The following HMCN1 variants were observed in gnomAD, a reference collection of about 807,000 sequenced individuals.
HMCN1 encodes hemicentin-1.
In HMCN1, 321 loss-of-function variants were observed where a neutral mutation model predicts 625.9. That is an observed-to-expected ratio of 0.51 (90% CI 0.47 to 0.56). HMCN1 has a LOEUF of 0.56. Among genes scored for constraint, HMCN1 ranks in the 20% least tolerant of loss-of-function variants. HMCN1 has a pLI of 0.00. For synonymous variants in HMCN1, 2,425 were observed against 2,417.6 expected, an observed-to-expected ratio of 1.00 and a Z score of -0.09; for missense variants, 6,588 against 6,887.3, an observed-to-expected ratio of 0.96 and a Z score of 1.54.
In HMCN1 at chr1:186,093,615, T is replaced by A. The variant is rs1447537698; in HGVS notation, c.10142T>A (p.Leu3381His). 1.2e-6 allele frequency: 2 copies of A among 1,613,334 alleles called. No homozygotes were observed. The highest frequency in any genetic ancestry group is 1.7e-5 in the Admixed American group (1 of 59,852). Residue 3381 changes from leucine to histidine, a missense_variant, in exon 66 of 107, where the codon CTT becomes CAT. Leu to His is a moderately conservative substitution (Grantham distance 99). Around this residue, in one of 3 missense-constraint regions of HMCN1, gnomAD observed 4,628 missense variants for 4,853.1 expected, o/e 0.95. Coordinates refer to ENST00000271588, the MANE Select transcript of HMCN1 (RefSeq NM_031935.3). The stretch of plus-strand genomic sequence containing the variant: ...CAGATAAACTGGCTGAAGAATGGAC[T>A]TCCTCTGCCTCTCTCCTCCCATATC... ...PPQINWLKNG[L>H]PLPLSSHIRL...
intron 49 of HMCN1, among the ~76,000 whole-genome samples, chr1:186,066,693 G>A (rs573377178): frequency 6.6e-6 from 1 of 152,172 alleles, no homozygotes; most frequent in East Asian, 1.9e-4. Context: ...TTAATGTTTT[G>A]TACATTTTGA....
chr1:186,025,892 T>C (rs768357916), intron 36 of HMCN1, among the ~76,000 whole-genome samples: 5 of 152,172 alleles, frequency 3.3e-5, no homozygotes, highest in Non-Finnish European at 7.4e-5. Flanking sequence ...AAGTAAGGTA[T>C]AGTAGTAGGT....
chr1:186,041,030 A>T lies in HMCN1; in HGVS notation c.6198A>T (p.Arg2066=). ...SNGLQVLSGG[R]ILALTSAQIS... is the part of the protein sequence containing the mutation. ...ATTGATAGGTTCTCTCTGGTGGTCG[A>T]ATCCTAGCATTGACCAGTGCACAAA... is the stretch of plus-strand genomic sequence containing the variant. The change falls in exon 40 of 107, where the codon CGA becomes CGT. Residue 2066 remains arginine (R), a synonymous_variant. Transcript: ENST00000271588. 1.2e-6 allele frequency: 2 copies of T among 1,613,068 alleles called. No homozygotes were observed. Among genetic ancestry groups the T allele is most frequent in the Non-Finnish European group, 1.7e-6 (2 of 1,179,248 alleles).
In HMCN1 at chr1:186,091,066, T is replaced by G; in HGVS notation, c.9887+149T>G. 6.4e-6 allele frequency: 5 copies of G among 785,228 alleles called. No individual in the cohort carries two copies. The Admixed American group carries it at 1.2e-4, about 19-fold the overall frequency. The allele number at this position is 785,228 out of a possible 1,614,324, so 48.6% of individuals were successfully genotyped here. ...CACAAAGAAACAAAAAACTTTTTTT[T>G]GAGAACTGGACATAGACATTCTCGT... On this transcript the variant is annotated intron_variant, in intron 64 of 106. Coordinates refer to ENST00000271588, the MANE Select transcript of HMCN1 (RefSeq NM_031935.3).
chr1:186,181,371 CA>C (rs1354871476), intron 104 of HMCN1, among the ~76,000 whole-genome samples: 7 of 152,134 alleles, frequency 4.6e-5, no homozygotes, highest in African/African-American at 1.7e-4. Flanking sequence ...TTTGAATTAT[CA>C]TCTATTCTCA....
chr1:186,031,021 CA>C (rs1394421490), intron 36 of HMCN1, among the ~76,000 whole-genome samples: 10 of 151,884 alleles, frequency 6.6e-5, no homozygotes, highest in African/African-American at 2.4e-4. Context: ...TCTTTTAAAT[CA>C]ATAGGAGAAA....
At chr1:185,778,781 T>TG (rs1279720754) in intron 1 of HMCN1, among the ~76,000 whole-genome samples, 1 of 152,176 alleles carries the variant, frequency 6.6e-6, no homozygotes, top group Admixed American at 6.5e-5. Flanking sequence ...GTCTTTGCTA[T>TG]TGTGAATAGT....
At chr1:185,980,351 T>A (rs1571655491) in intron 16 of HMCN1, among the ~76,000 whole-genome samples, 1 of 152,182 alleles carries the variant, frequency 6.6e-6, no homozygotes, top group Non-Finnish European at 1.5e-5. Context: ...GTGCAATTAT[T>A]ACTAAAGTTC....
intron 4 of HMCN1, among the ~76,000 whole-genome samples, chr1:185,889,517 G>A (rs1474485159): frequency 1.4e-5 from 2 of 140,570 alleles, no homozygotes; most frequent in Admixed American, 6.7e-5. Flanking sequence ...TTTTTAGCAT[G>A]AAGGGTTGTT....
chr1:186,009,069 G>A (rs1163045902), intron 30 of HMCN1, among the ~76,000 whole-genome samples: 3 of 152,160 alleles, frequency 2.0e-5, no homozygotes, highest in Admixed American at 6.6e-5. Context: ...AAGCATCCAA[G>A]TTAAACAGAA....
chr1:186,100,530 A>G (rs1660337590), intron 68 of HMCN1, among the ~76,000 whole-genome samples: 1 of 152,184 alleles, frequency 6.6e-6, no homozygotes, highest in South Asian at 2.1e-4. Flanking sequence ...TTTTGACCAC[A>G]TTAAGAAGTC....
rs1482096038 is a variant in HMCN1 at position 186,173,383 on chromosome 1, A to G, written c.15815-1131A>G. 2.0e-5 allele frequency among the ~76,000 whole-genome samples: 3 copies of G among 152,222 alleles called. No individual in the cohort carries two copies. The East Asian group carries it at 5.8e-4, about 29-fold the overall frequency. Reference sequence around the variant, plus strand: ...TTGTTTCAGCTCTTACACTATAGATATAGGTCAATACTTTCCTTATCATTT... The same window carrying G: ...TTGTTTCAGCTCTTACACTATAGATGTAGGTCAATACTTTCCTTATCATTT... On this transcript the variant is annotated intron_variant, in intron 102 of 106. Transcript: ENST00000271588.
intron 24 of HMCN1, among the ~76,000 whole-genome samples, chr1:185,996,512 G>A (rs1652800374): frequency 6.6e-6 from 1 of 152,102 alleles, no homozygotes; most frequent in Non-Finnish European, 1.5e-5. Context: ...GCAATAAGAA[G>A]ACTTTAAGAA....
At chr1:185,756,127 T>C (rs1443194206) in intron 1 of HMCN1, among the ~76,000 whole-genome samples, 1 of 152,066 alleles carries the variant, frequency 6.6e-6, no homozygotes, top group Non-Finnish European at 1.5e-5. Context: ...AATAAGATAG[T>C]GTGAATGGGT....
chr1:185,882,131 T>C (rs1361664354), intron 4 of HMCN1, among the ~76,000 whole-genome samples: 1 of 152,174 alleles, frequency 6.6e-6, no homozygotes, highest in Non-Finnish European at 1.5e-5. Flanking sequence ...TTACATTTAT[T>C]TTTGTTTTAG....
At chr1:186,049,362 C>T (rs1656793847) in intron 42 of HMCN1, among the ~76,000 whole-genome samples, 2 of 151,974 alleles carry the variant, frequency 1.3e-5, no homozygotes, top group African/African-American at 4.8e-5. Context: ...CTGTGGCTAT[C>T]AGCTAAAAAG....
chr1:185,780,729 G>A (rs1440766294), intron 1 of HMCN1, among the ~76,000 whole-genome samples: 1 of 152,202 alleles, frequency 6.6e-6, no homozygotes, highest in Non-Finnish European at 1.5e-5. Flanking sequence ...GCTTTTTGAT[G>A]TGCTGCTGGA....
intron 4 of HMCN1, among the ~76,000 whole-genome samples, chr1:185,903,607 C>T (rs1399399197): frequency 1.3e-5 from 2 of 151,620 alleles, no homozygotes; most frequent in Admixed American, 1.3e-4. Context: ...AATAGGTACA[C>T]AACACCCAAA....
chr1:185,776,131 TTTTA>T (rs1656588506), intron 1 of HMCN1, among the ~76,000 whole-genome samples: 4 of 152,206 alleles, frequency 2.6e-5, no homozygotes, highest in African/African-American at 7.2e-5. Flanking sequence ...ATATTTCCTA[TTTTA>T]TTTATTTCCT....
Sources: allele counts gnomAD v4.1 joint callset (sites outside exome capture counted in the v4.1 genomes callset), GRCh38; gene constraint gnomAD v4.1.1; regional missense constraint gnomAD v4.1.1; transcripts MANE v1.5; gene names NCBI Gene and HGNC (gene_info 2026-07-23, HGNC 2026-07-21).